PEX5L: variants seen among roughly 807,000 people sequenced by gnomAD.
The protein encoded by PEX5L is peroxisomal biogenesis factor 5 like, also known as PEX5-related protein.
Under a neutral mutation model 84.0 loss-of-function variants are expected in PEX5L, and 30 were observed. The ratio of observed to expected loss-of-function variants is 0.36; its 90% confidence interval spans 0.27 to 0.48. The LOEUF is 0.48. Ranked by LOEUF, PEX5L falls within the 20% of genes least tolerant of loss-of-function variation. PEX5L has a pLI of 0.99. For missense variants in PEX5L, 533 were observed against 754.6 expected, an observed-to-expected ratio of 0.71 and a Z score of 3.44; for synonymous variants, 270 against 283.1, an observed-to-expected ratio of 0.95 and a Z score of 0.46.
At chr3:179,933,428 G>A (rs777630926) in intron 2 of PEX5L, among the ~76,000 whole-genome samples, 1 of 145,816 alleles carries the variant, frequency 6.9e-6, no homozygotes, top group African/African-American at 2.6e-5. Flanking sequence ...GGAGATAATG[G>A]AGTCATATAC....
intron 2 of PEX5L, among the ~76,000 whole-genome samples, chr3:179,924,296 T>G (rs1229641571): frequency 6.6e-6 from 1 of 152,186 alleles, no homozygotes; most frequent in Non-Finnish European, 1.5e-5. Flanking sequence ...TAGTTATTTA[T>G]GGGCATGCCA....
intron 7 of PEX5L, among the ~76,000 whole-genome samples, chr3:179,870,707 T>C (rs574992613): frequency 6.6e-6 from 1 of 152,344 alleles, no homozygotes; most frequent in East Asian, 1.9e-4. Flanking sequence ...CATCTGGGCC[T>C]TCCCTGAGTT....
chr3:179,875,538 T>TGGGGGGGGGGGG, intron 5 of PEX5L, 61 bp from the exon 6 acceptor site: 2 of 732,420 alleles, frequency 2.7e-6, no homozygotes, highest in Non-Finnish European at 2.2e-6. Context: ...GGGGGAGCGG[T>TGGGGGGGGGGGG]GGCGGGGAGT....
chr3:179,842,615 T>C (rs1160711438), intron 8 of PEX5L, among the ~76,000 whole-genome samples: 1 of 152,134 alleles, frequency 6.6e-6, no homozygotes, highest in Non-Finnish European at 1.5e-5. Flanking sequence ...AACATGTCCC[T>C]TGTAATTAGT....
intron 14 of PEX5L, chr3:179,804,197 T>C (rs1013442666): frequency 2.0e-5 from 3 of 152,130 alleles, no homozygotes; most frequent in Admixed American, 6.6e-5. Context: ...CCCATAAAGA[T>C]AGTCTAAACC....
intron 6 of PEX5L, among the ~76,000 whole-genome samples, chr3:179,874,847 G>A (rs1412595054): frequency 6.9e-6 from 1 of 145,074 alleles, no homozygotes; most frequent in Non-Finnish European, 1.5e-5. Flanking sequence ...AAGTGGAGAT[G>A]TGGCAGGGCA....
intron 7 of PEX5L, among the ~76,000 whole-genome samples, chr3:179,872,573 G>A (rs1438044961): frequency 6.6e-6 from 1 of 152,140 alleles, no homozygotes; most frequent in African/African-American, 2.4e-5. Context: ...TGGGTAAGAG[G>A]AAGGACAGTT....
At chr3:179,830,306 A>G (rs998675098) in intron 8 of PEX5L, among the ~76,000 whole-genome samples, 1 of 101,348 alleles carries the variant, frequency 9.9e-6, no homozygotes, top group African/African-American at 3.8e-5. Flanking sequence ...TTTTTTTATG[A>G]CTACCTGATT....
intron 2 of PEX5L, among the ~76,000 whole-genome samples, chr3:179,908,251 C>A (rs1262967183): frequency 6.6e-6 from 1 of 152,120 alleles, no homozygotes. Context: ...ATAGAAAGAT[C>A]TTAAAGCTGC....
Position 179,889,500 on chromosome 3 carries a change from T to C in PEX5L, c.199-1716A>G, listed in dbSNP as rs371686501. On this transcript the variant is annotated intron_variant, in intron 3 of 14. Transcript: ENST00000467460. ...TTAGATTTTTATACATATTAATTTGTTATTGAGGGATGGGCTTTGAGAACG... is the reference window on the plus strand; with the variant it reads ...TTAGATTTTTATACATATTAATTTGCTATTGAGGGATGGGCTTTGAGAACG... Among the ~76,000 whole-genome samples the C allele has an allele frequency of 3.0e-4, 46 of 152,330 alleles. No individual in the cohort carries two copies. In the East Asian group the frequency reaches 4.4e-3, roughly 15 times the overall value.
At chr3:179,871,897 C>CT (rs916660914) in intron 7 of PEX5L, among the ~76,000 whole-genome samples, 9 of 152,012 alleles carry the variant, frequency 5.9e-5, no homozygotes, top group African/African-American at 2.2e-4. Context: ...TCTTTTCTTT[C>CT]TTTTTTTGAG....
chr3:179,838,747 A>G (rs117784209), intron 8 of PEX5L, among the ~76,000 whole-genome samples: 1 of 152,346 alleles, frequency 6.6e-6, no homozygotes, highest in East Asian at 1.9e-4. Context: ...AGAGGATGGT[A>G]GGATAAGAGC....
At chr3:179,851,536 T>C (rs1741887116) in intron 8 of PEX5L, among the ~76,000 whole-genome samples, 1 of 152,208 alleles carries the variant, frequency 6.6e-6, no homozygotes, top group African/African-American at 2.4e-5. Context: ...AAGGAATTAC[T>C]AGTTAGCAGT....
chr3:179,986,442 A>G (rs1342731866), intron 1 of PEX5L, among the ~76,000 whole-genome samples: 12 of 131,890 alleles, frequency 9.1e-5, no homozygotes, highest in African/African-American at 1.5e-4. Context: ...TCGCTCTGTC[A>G]CCCAGGCTGG....
rs562380166 is a variant in PEX5L, at chr3:179,887,397, T to C, written c.310+276A>G. Among the ~76,000 whole-genome samples, 21 of 152,360 alleles carry C rather than the reference T, an allele frequency of 1.4e-4. No individual in the cohort carries two copies. The South Asian group carries it at 1.9e-3, about 14-fold the overall frequency. ...TTTTTGTTTTAAAGATTTTCTAATG[T>C]GATGAGACTTTAGATATAAATATGC... On this transcript the variant is annotated intron_variant, in intron 4 of 14. Coordinates refer to ENST00000467460, the MANE Select transcript of PEX5L (RefSeq NM_016559.3).
chr3:179,891,677 G>T (rs1422888748), intron 3 of PEX5L, among the ~76,000 whole-genome samples: 2 of 152,048 alleles, frequency 1.3e-5, no homozygotes, highest in African/African-American at 2.4e-5. Context: ...TATCTAAAAT[G>T]GTCCAATTTT....
chr3:180,000,924 C>A (rs1788341968), intron 1 of PEX5L, among the ~76,000 whole-genome samples: 1 of 151,952 alleles, frequency 6.6e-6, no homozygotes, highest in South Asian at 2.1e-4. Flanking sequence ...AAGGGGTGGA[C>A]TTGTGATGGT....
At chr3:179,814,355 G>A (rs927494652) in intron 10 of PEX5L, among the ~76,000 whole-genome samples, 4 of 152,176 alleles carry the variant, frequency 2.6e-5, no homozygotes, top group Admixed American at 2.6e-4. Flanking sequence ...CACCCAATGA[G>A]ATAGTTACTA....
At chr3:179,813,939 G>A (rs1252798463) in intron 10 of PEX5L, among the ~76,000 whole-genome samples, 2 of 148,850 alleles carry the variant, frequency 1.3e-5, no homozygotes, top group Admixed American at 6.7e-5. Flanking sequence ...GCCTCCCAAA[G>A]TGCTGGGATT....
Sources: gnomAD v4.1 joint callset for allele counts (sites outside exome capture counted in the v4.1 genomes callset) on GRCh38, gnomAD v4.1.1 for gene constraint, MANE v1.5 for transcripts, NCBI Gene and HGNC (gene_info 2026-07-23, HGNC 2026-07-21) for gene names.